The following STARD3 variants were observed in gnomAD, a reference collection of about 807,000 sequenced individuals.
STARD3 encodes the protein stAR-related lipid transfer protein 3.
STARD3 carries 39 observed loss-of-function variants against 62.0 expected under a neutral mutation model. The ratio of observed to expected loss-of-function variants is 0.63; its 90% CI spans 0.49 to 0.82. The LOEUF (loss-of-function observed/expected upper bound fraction) is 0.82, where lower values mean the gene tolerates loss of function less well. STARD3 is among the 40% of genes least tolerant of loss of function. The probability of loss-of-function intolerance (pLI) is 0.00; values close to 1 mark genes in which losing one functional copy is unlikely to be tolerated. For missense variants in STARD3, 543 were observed against 584.5 expected (o/e 0.93, Z 0.73); for synonymous variants, 229 against 242.4 (o/e 0.94, Z 0.51).
Position 39,657,143 on chromosome 17 carries a change from ACTT to A in STARD3, c.297+61_297+63del. The A allele has an allele frequency of 2.6e-6, 4 of 1,535,578 alleles. No homozygotes were observed. In the South Asian group the frequency reaches 4.5e-5, roughly 17 times the overall value. ...GAGGCAGAGAGGGAGCAGGGAAATG[ACTT>A]CTGCTGGGTTCTCTTTTGGCAGCAT... On this transcript the variant is annotated intron_variant, in intron 3 of 14. Transcript: ENST00000336308.
chr17:39,659,666 C>A, intron 9 of STARD3, 113 bp downstream of exon 9: 2 of 1,166,806 alleles, frequency 1.7e-6, no homozygotes, highest in Admixed American at 2.2e-5. Context: ...CATATTCCTG[C>A]CCCAAGAGAG....
At chr17:39,652,119 C>G (rs1056315453) in intron 1 of STARD3, among the ~76,000 whole-genome samples, 1 of 152,182 alleles carries the variant, frequency 6.6e-6, no homozygotes, top group Non-Finnish European at 1.5e-5. Context: ...CGTCCCTGCC[C>G]TGAGTGGACG....
In STARD3 at chr17:39,662,251, G is replaced by A. The variant is rs2057208197; in HGVS notation, c.1140G>A (p.Arg380=). ...SAKPPTHKYV[R]GENGPGGFIV... is the part of the protein sequence containing the mutation. ...CCCCCAATGATGCCTCTTTCCATAG[G>A]GGAGAGAATGGCCCTGGGGGCTTCA... The change falls in exon 14 of 15, where the codon CGG becomes CGA. Residue 380 remains arginine, a splice_region_variant and synonymous_variant. Transcript: ENST00000336308. 1.2e-6 allele frequency: 2 copies of A among 1,613,434 alleles called. No homozygotes were observed. The highest frequency in any genetic ancestry group is 2.2e-5 in the East Asian group (1 of 44,870).
At chr17:39,641,504 T>C (rs2056982968) in intron 1 of STARD3, among the ~76,000 whole-genome samples, 1 of 152,026 alleles carries the variant, frequency 6.6e-6, no homozygotes, top group Admixed American at 6.6e-5. Context: ...AGCCAGGGTC[T>C]ACCCTTCCAT....
At chr17:39,658,136 G>A (rs370665839) in intron 5 of STARD3, 110 bp downstream of exon 5, 2 of 1,227,860 alleles carry the variant, frequency 1.6e-6, no homozygotes, top group Non-Finnish European at 2.3e-6. Flanking sequence ...GTCCGGGTTA[G>A]GGGGAGAGGG....
chr17:39,646,615 A>G (rs1400659182), intron 1 of STARD3, among the ~76,000 whole-genome samples: 3 of 152,198 alleles, frequency 2.0e-5, no homozygotes, highest in Non-Finnish European at 4.4e-5. Context: ...GCTTTGCCCC[A>G]GAGCACACAG....
At position 39,653,482 on chromosome 17, in the gene STARD3, C is replaced by CAG; in HGVS notation, c.-50_-49insAG. ...ACTCTGCCTCTGCCTCGCCCCCAGC[C>CAG]CTGCTGCTGAGGCCGCGCCCTCCCC... On this transcript the variant is annotated splice_region_variant and 5_prime_UTR_variant, in exon 2 of 15. The change abolishes the stop of an existing upstream ORF in the 5' untranslated region. Coordinates refer to ENST00000336308, the MANE Select transcript of STARD3 (RefSeq NM_006804.4). The CAG allele has an allele frequency of 6.3e-7, 1 of 1,582,040 alleles. No homozygotes were observed. The highest frequency in any genetic ancestry group is 1.1e-5 in the South Asian group (1 of 90,050).
At position 39,660,084 on chromosome 17, in the gene STARD3, T is replaced by C; in HGVS notation, c.796-127T>C. 2.3e-6 allele frequency: 2 copies of C among 864,798 alleles called. No individual in the cohort carries two copies. The highest frequency in any genetic ancestry group is 2.9e-5 in the South Asian group (2 of 69,242). 53.6% of individuals were successfully genotyped at this position (864,798 alleles called of 1,614,324 possible). A position where few individuals can be genotyped will look rare whatever the true frequency, so the allele number is the denominator to read the frequency against. On this transcript the variant is annotated intron_variant, in intron 9 of 14. Coordinates refer to ENST00000336308, the MANE Select transcript of STARD3 (RefSeq NM_006804.4). The surrounding 1 kb of genome is among the most constrained non-coding windows in gnomAD (Gnocchi z 4.8). ...CTGTTTTGTAACAGCTGCTCAGGTG[T>C]CCCCAAACTCCTGGAGTTTTCCACC...
chr17:39,657,873 C>T (rs1158842192), intron 4 of STARD3, 21 bp downstream of exon 4: 3 of 1,614,186 alleles, frequency 1.9e-6, no homozygotes, highest in Admixed American at 1.7e-5. Flanking sequence ...ACTTTCCTGG[C>T]AGCTTCTGGG....
At position 39,662,915 on chromosome 17, in the gene STARD3, C is replaced by A; in HGVS notation, c.*7C>A. 6.2e-7 allele frequency: 1 copy of A among 1,606,780 alleles called. No individual in the cohort carries two copies. ...GCTGGGGGCCCGGGCGTGACTGTGC[C>A]CCCTCCCACCCTGCGGGCCAGGGTC... On this transcript the variant is annotated 3_prime_UTR_variant, in exon 15 of 15. Coordinates refer to ENST00000336308, the MANE Select transcript of STARD3 (RefSeq NM_006804.4).
At chr17:39,662,605 G>C in intron 14 of STARD3, 199 bp from the exon 15 acceptor site, 1 of 639,850 alleles carries the variant, frequency 1.6e-6, no homozygotes, top group South Asian at 2.0e-5. Flanking sequence ...GCCCCACCCT[G>C]GTCTGTTTGT....
chr17:39,646,659 A>G (rs947939581), intron 1 of STARD3, among the ~76,000 whole-genome samples: 11 of 152,098 alleles, frequency 7.2e-5, no homozygotes, highest in Admixed American at 6.5e-4. Context: ...TTGAACCATG[A>G]CCTTAGAGTC....
intron 1 of STARD3, among the ~76,000 whole-genome samples, chr17:39,642,797 G>T (rs1209478102): frequency 6.6e-6 from 1 of 152,142 alleles, no homozygotes. Flanking sequence ...GACCTCATTG[G>T]AATGAGAGAG....
intron 2 of STARD3, 170 bp from the exon 3 acceptor site, chr17:39,656,838 C>T (rs973210746): frequency 4.9e-6 from 3 of 618,442 alleles, no homozygotes; most frequent in South Asian, 1.9e-5. Context: ...GGTCTCTGGC[C>T]GTGGGCTGAG....
At chr17:39,659,999 G>A (rs926515722) in intron 9 of STARD3, 5 of 593,738 alleles carry the variant, frequency 8.4e-6, no homozygotes, top group East Asian at 5.6e-5. Flanking sequence ...CTGTCCCCCC[G>A]TCTTTTAACT....
In STARD3 at chr17:39,660,533, C is replaced by T; in HGVS notation, c.954+7C>T. On this transcript the variant is annotated splice_region_variant and intron_variant, in intron 11 of 14. Transcript: ENST00000336308. The surrounding 1 kb of genome is among the most constrained non-coding windows in gnomAD (Gnocchi z 4.8). ...GACAGTGACTGCCTGCCAGGTGAGC[C>T]CAGTCTGGCTGCCTCTTAAGGCACA... 1 of 1,613,772 alleles carries T rather than the reference C, an allele frequency of 6.2e-7. No homozygotes were observed. Among genetic ancestry groups the T allele is most frequent in the Non-Finnish European group, 8.5e-7 (1 of 1,179,996 alleles).
intron 1 of STARD3, among the ~76,000 whole-genome samples, chr17:39,641,821 C>T (rs2056985156): frequency 6.6e-6 from 1 of 152,198 alleles, no homozygotes; most frequent in South Asian, 2.1e-4. Flanking sequence ...ACCCCAAACC[C>T]ACACCCTTTT....
chr17:39,657,030 A>T lies in STARD3; in HGVS notation c.242A>T (p.Asn81Ile). 2.5e-6 allele frequency: 4 copies of T among 1,614,182 alleles called. No individual in the cohort carries two copies. The highest frequency in any genetic ancestry group is 1.1e-5 in the South Asian group (1 of 91,088). Reference protein sequence around the residue: ...ELNTNTGIRKNLEQEIIQYNF... With the variant: ...ELNTNTGIRKILEQEIIQYNF... ...CAGACCAACACAGGCATCCGTAAGA[A>T]CTTGGAGCAGGAGATCATCCAGTAC... is the stretch of plus-strand genomic sequence containing the variant. Residue 81 changes from asparagine (N) to isoleucine (I), a missense_variant, in exon 3 of 15, where the codon AAC becomes ATC. By Grantham distance (149) the Asn-to-Ile change is moderately radical. Coordinates refer to ENST00000336308, the MANE Select transcript of STARD3 (RefSeq NM_006804.4).
At position 39,662,197 on chromosome 17, in the gene STARD3, G is replaced by T. The variant is rs2057206873; in HGVS notation, c.1140-54G>T. ...TGTGAGTGGTAGGGGCTGCGGGGGGGTGTCAGGGCCTCACTCTGTTCCAAA... is the reference window on the plus strand; with the variant it reads ...TGTGAGTGGTAGGGGCTGCGGGGGGTTGTCAGGGCCTCACTCTGTTCCAAA... On this transcript the variant is annotated intron_variant, in intron 13 of 14. Transcript: ENST00000336308. 8.5e-6 allele frequency: 13 copies of T among 1,520,480 alleles called. No homozygotes were observed. In the South Asian group the frequency reaches 1.2e-4, roughly 14 times the overall value. The allele number at this position is 1,520,480 out of a possible 1,614,324, so 94.2% of individuals were successfully genotyped here. A position where few individuals can be genotyped will look rare whatever the true frequency, so the allele number is the denominator to read the frequency against.
Sources: allele counts gnomAD v4.1 joint callset (sites outside exome capture counted in the v4.1 genomes callset), GRCh38; gene constraint gnomAD v4.1.1; non-coding constraint Gnocchi (gnomAD v3.1); transcripts MANE v1.5; gene names NCBI Gene and HGNC (gene_info 2026-07-23, HGNC 2026-07-21).